KIF26B: variants seen among roughly 807,000 people sequenced by gnomAD.
The protein encoded by KIF26B is kinesin family member 26B.
In KIF26B, 63 loss-of-function variants were observed where a neutral mutation model predicts 151.2. That is an observed-to-expected ratio of 0.42 (90% CI 0.34 to 0.51). The LOEUF (loss-of-function observed/expected upper bound fraction) is 0.51, where lower values mean the gene tolerates loss of function less well. Ranked by LOEUF, KIF26B falls within the 20% of genes least tolerant of loss-of-function variation. KIF26B has a pLI of 0.07. For synonymous variants in KIF26B, 1,357 were observed against 1,262.1 expected, an observed-to-expected ratio of 1.08 and a Z score of -1.59; for missense variants, 2,813 against 2,913.6, an observed-to-expected ratio of 0.97 and a Z score of 0.79.
At chr1:245,695,022 A>G (rs1183261159) in intron 12 of KIF26B, among the ~76,000 whole-genome samples, 1 of 152,110 alleles carries the variant, frequency 6.6e-6, no homozygotes, top group African/African-American at 2.4e-5. Flanking sequence ...GACTCCCGCC[A>G]GGGTGGGGCT....
At chr1:245,699,487 T>C (rs978186097) in intron 14 of KIF26B, among the ~76,000 whole-genome samples, 1 of 150,432 alleles carries the variant, frequency 6.6e-6, no homozygotes, top group Non-Finnish European at 1.5e-5. Context: ...GAAAACATTT[T>C]TGAGTGGAAA....
At chr1:245,522,948 T>C (rs1661160939) in intron 4 of KIF26B, among the ~76,000 whole-genome samples, 1 of 152,224 alleles carries the variant, frequency 6.6e-6, no homozygotes, top group Non-Finnish European at 1.5e-5. Flanking sequence ...ATTAATGTTT[T>C]ATTTTAACAA....
chr1:245,611,667 T>C, intron 8 of KIF26B, 126 bp from the exon 9 acceptor site: 3 of 882,866 alleles, frequency 3.4e-6, no homozygotes, highest in Non-Finnish European at 5.1e-6. Context: ...TTTTCAGCCT[T>C]AGAGGGGCAC....
intron 4 of KIF26B, among the ~76,000 whole-genome samples, chr1:245,519,440 G>C (rs1341183412): frequency 2.0e-5 from 3 of 152,000 alleles, no homozygotes; most frequent in African/African-American, 7.3e-5. Context: ...TGTAATTCCA[G>C]CTATTCTGGA....
intron 2 of KIF26B, among the ~76,000 whole-genome samples, chr1:245,233,563 G>A (rs1211124581): frequency 2.6e-5 from 4 of 152,120 alleles, no homozygotes; most frequent in African/African-American, 9.7e-5. Flanking sequence ...TACATAAAGT[G>A]TGAGAAACAC....
chr1:245,374,136 TATGG>T (rs1462501925), intron 3 of KIF26B, among the ~76,000 whole-genome samples: 2 of 84,066 alleles, frequency 2.4e-5, no homozygotes, highest in African/African-American at 8.6e-5. Flanking sequence ...TATATATATA[TATGG>T]GCACAAAAGG....
At chr1:245,510,077 C>G (rs74154415) in intron 4 of KIF26B, among the ~76,000 whole-genome samples, 1,591 of 152,276 alleles carry the variant, frequency 0.01, 33 homozygotes, top group African/African-American at 0.032. Flanking sequence ...ACTGAAAGCT[C>G]CTGCCTCGCC....
intron 2 of KIF26B, among the ~76,000 whole-genome samples, chr1:245,341,186 G>A (rs932609544): frequency 6.6e-6 from 1 of 152,008 alleles, no homozygotes; most frequent in Non-Finnish European, 1.5e-5. Context: ...GGGGAGCTCC[G>A]GAGCTGCGTC....
chr1:245,205,062 T>C (rs978423860), intron 2 of KIF26B, among the ~76,000 whole-genome samples: 2 of 152,150 alleles, frequency 1.3e-5, no homozygotes, highest in Non-Finnish European at 2.9e-5. Context: ...TTGGGATGAC[T>C]GGAGAGAGCC....
chr1:245,156,621 C>T lies in KIF26B; in HGVS notation c.403C>T (p.Arg135Cys). 2.0e-6 allele frequency: 3 copies of T among 1,524,296 alleles called. No individual in the cohort carries two copies. Among genetic ancestry groups the T allele is most frequent in the Non-Finnish European group, 2.6e-6 (3 of 1,142,704 alleles). The allele number at this position is 1,524,296 out of a possible 1,614,324, so 94.4% of individuals were successfully genotyped here. ...RGVWCENCNA[R>C]LVELKRQALR... ...CGTCTGGTGCGAGAACTGCAACGCC[C>T]GCCTGGTGGAGCTCAAGAGGCAGGC... Residue 135 changes from arginine to cysteine, a missense_variant, in exon 2 of 15, where the codon CGC (arginine) becomes TGC (cysteine). By Grantham distance (180) the Arg-to-Cys change is radical. This residue lies in a region of KIF26B where 676 missense variants were observed against 688.1 expected (regional missense o/e 0.98). Coordinates refer to ENST00000407071, the MANE Select transcript of KIF26B (RefSeq NM_018012.4).
In KIF26B at chr1:245,574,847, CTTTTTCTTTTT is replaced by C. The variant is rs1450843451; in HGVS notation, c.1351-27713_1351-27703del. Among the ~76,000 whole-genome samples, 221 of 147,358 alleles carry C rather than the reference CTTTTTCTTTTT, an allele frequency of 1.5e-3. 1 individual carries two copies. Among genetic ancestry groups the C allele is most frequent in the Admixed American group, 2.3e-3 (34 of 14,892 alleles). The stretch of plus-strand genomic sequence containing the variant: ...TTAGGGAAGATTGTCTTTTTTATAT[CTTTTTCTTTTT>C]TTTTTCTTTTTTTTTTTTTTTTTGA... On this transcript the variant is annotated intron_variant, in intron 5 of 14. Transcript: ENST00000407071.
In KIF26B at chr1:245,411,736, A is replaced by T. The variant is rs145561744; in HGVS notation, c.1000-7843A>T. Among the ~76,000 whole-genome samples, 600 of 152,260 alleles carry T rather than the reference A, an allele frequency of 3.9e-3. 3 individuals are homozygous for T. The highest frequency in any genetic ancestry group is 0.013 in the African/African-American group (550 of 41,528). The stretch of plus-strand genomic sequence containing the variant: ...ATTTTTATAGTCAGCTCCAGAAGTG[A>T]CTTGATGTGGGGATTGAGACATATT... On this transcript the variant is annotated intron_variant, in intron 3 of 14. Coordinates refer to ENST00000407071, the MANE Select transcript of KIF26B (RefSeq NM_018012.4).
chr1:245,360,743 G>T (rs1033934620), intron 2 of KIF26B, among the ~76,000 whole-genome samples: 1 of 152,212 alleles, frequency 6.6e-6, no homozygotes, highest in African/African-American at 2.4e-5. Context: ...CAGGCAGAGT[G>T]GCTCACGCCT....
intron 4 of KIF26B, among the ~76,000 whole-genome samples, chr1:245,466,787 G>T (rs547319789): frequency 1.3e-5 from 2 of 152,158 alleles, no homozygotes; most frequent in Non-Finnish European, 2.9e-5. Flanking sequence ...TTAGCAGGGC[G>T]TGGTGGTGAG....
chr1:245,662,412 G>A (rs575491388), intron 10 of KIF26B, among the ~76,000 whole-genome samples: 208 of 124,470 alleles, frequency 1.7e-3, no homozygotes, highest in Admixed American at 2.7e-3. Flanking sequence ...CATACACCCA[G>A]TGATATATAC....
chr1:245,272,875 G>GA (rs1325247098), intron 2 of KIF26B, among the ~76,000 whole-genome samples: 4 of 152,016 alleles, frequency 2.6e-5, no homozygotes, highest in African/African-American at 9.7e-5. Context: ...CATTGTGGTT[G>GA]AAAAAAATGT....
At chr1:245,435,195 CATT>C (rs1658888064) in intron 4 of KIF26B, among the ~76,000 whole-genome samples, 2 of 152,084 alleles carry the variant, frequency 1.3e-5, no homozygotes, top group South Asian at 4.1e-4. Flanking sequence ...ATCCAACAAG[CATT>C]TGGTAAGCTC....
In KIF26B at chr1:245,482,954, G is replaced by A. The variant is rs184116406; in HGVS notation, c.1167-57813G>A. On this transcript the variant is annotated intron_variant, in intron 4 of 14. Coordinates refer to ENST00000407071, the MANE Select transcript of KIF26B (RefSeq NM_018012.4). The stretch of plus-strand genomic sequence containing the variant: ...GGCAATACCACATTTCATCAATTCC[G>A]TGTTAGAACATTGAGTCCAAGCTGT... Among the ~76,000 whole-genome samples, 5 of 151,880 alleles carry A rather than the reference G, an allele frequency of 3.3e-5. No homozygotes were observed. The East Asian group carries it at 7.7e-4, about 23-fold the overall frequency.
At chr1:245,665,999 CTTTTTTTTT>C (rs33957488) in intron 10 of KIF26B, among the ~76,000 whole-genome samples, 1 of 107,414 alleles carries the variant, frequency 9.3e-6, no homozygotes, top group Non-Finnish European at 1.8e-5. Flanking sequence ...ACATTATGTC[CTTTTTTTTT>C]TTTTTTTTTT....
Sources: gnomAD v4.1 joint callset for allele counts (sites outside exome capture counted in the v4.1 genomes callset) on GRCh38, gnomAD v4.1.1 for gene constraint, gnomAD v4.1.1 regional missense constraint, MANE v1.5 for transcripts, NCBI Gene and HGNC (gene_info 2026-07-23, HGNC 2026-07-21) for gene names.